The following LONP2 variants were observed in gnomAD, a reference collection of about 807,000 sequenced individuals.
LONP2 encodes the protein lon protease homolog 2, peroxisomal.
A neutral mutation model predicts 85.6 loss-of-function variants in LONP2; 60 were observed. That is an observed-to-expected ratio of 0.70 (90% confidence interval 0.57 to 0.87). LONP2 has a LOEUF of 0.87. LONP2 is among the 40% of genes least tolerant of loss of function. LONP2 has a pLI of 0.00. For missense variants in LONP2, 860 were observed against 1,063.5 expected (o/e 0.81, Z 2.66); for synonymous variants, 395 against 389.7 (o/e 1.01, Z -0.16).
chr16:48,292,304 G>A (rs944331429), intron 8 of LONP2, among the ~76,000 whole-genome samples: 6 of 152,142 alleles, frequency 3.9e-5, no homozygotes, highest in Admixed American at 1.3e-4. Context: ...AACTGTTACA[G>A]GTTAAAGATC....
intron 11 of LONP2, among the ~76,000 whole-genome samples, chr16:48,312,089 C>T (rs1407061810): frequency 6.6e-6 from 1 of 151,674 alleles, no homozygotes; most frequent in Non-Finnish European, 1.5e-5. Flanking sequence ...TACAAGCGTG[C>T]GTTACCATGC....
intron 12 of LONP2, among the ~76,000 whole-genome samples, chr16:48,338,358 C>CA (rs1466096788): frequency 2.0e-5 from 3 of 152,232 alleles, no homozygotes; most frequent in Middle Eastern, 3.4e-3. Flanking sequence ...ATAGAGAAAA[C>CA]AAACAGGGTG....
chr16:48,334,883 C>T, intron 12 of LONP2: 1 of 421,562 alleles, frequency 2.4e-6, no homozygotes, highest in Non-Finnish European at 4.8e-6. Flanking sequence ...GCCAGTCTCA[C>T]TCCATTCTCA....
intron 8 of LONP2, among the ~76,000 whole-genome samples, chr16:48,287,505 G>T (rs144628941): frequency 1.1e-3 from 160 of 152,344 alleles, no homozygotes; most frequent in Middle Eastern, 3.4e-3. Context: ...CTCACAGAGT[G>T]TTCTCTGAGT....
chr16:48,321,354 A>G (rs1973260052), intron 11 of LONP2, among the ~76,000 whole-genome samples: 1 of 152,248 alleles, frequency 6.6e-6, no homozygotes, highest in Admixed American at 6.5e-5. Context: ...CTAATACAGG[A>G]AATGAGATTT....
At chr16:48,278,532 A>T (rs1279755544) in intron 8 of LONP2, among the ~76,000 whole-genome samples, 1 of 152,180 alleles carries the variant, frequency 6.6e-6, no homozygotes, top group East Asian at 1.9e-4. Context: ...CTCATACTTG[A>T]TTAGTAATTT....
At chr16:48,315,910 A>G (rs544743808) in intron 11 of LONP2, among the ~76,000 whole-genome samples, 26 of 112,676 alleles carry the variant, frequency 2.3e-4, no homozygotes, top group Admixed American at 1.9e-3. Context: ...GCTTTCTTCT[A>G]TTTTTTTGTG....
chr16:48,345,482 GATTTTAT>G (rs1239510613), intron 12 of LONP2: 1 of 152,188 alleles, frequency 6.6e-6, no homozygotes, highest in Admixed American at 6.5e-5. Context: ...ATAGAGAATT[GATTTTAT>G]ATTAGAAAAA....
chr16:48,318,965 T>C (rs1973203934), intron 11 of LONP2, among the ~76,000 whole-genome samples: 1 of 152,082 alleles, frequency 6.6e-6, no homozygotes, highest in Non-Finnish European at 1.5e-5. Context: ...TCAAGTGCTT[T>C]TGATCCTTTC....
chr16:48,270,642 A>G (rs975799694), intron 7 of LONP2, among the ~76,000 whole-genome samples: 1 of 152,198 alleles, frequency 6.6e-6, no homozygotes. Context: ...AGTAACTGCA[A>G]TAGGGAGGGC....
intron 10 of LONP2, among the ~76,000 whole-genome samples, chr16:48,300,095 A>G (rs1053904827): frequency 2.6e-5 from 4 of 152,354 alleles, no homozygotes; most frequent in African/African-American, 9.6e-5. Context: ...CACAATAGCA[A>G]TATAAGGGGT....
intron 10 of LONP2, among the ~76,000 whole-genome samples, chr16:48,300,749 G>A (rs768675427): frequency 7.2e-5 from 11 of 152,150 alleles, no homozygotes; most frequent in African/African-American, 1.2e-4. Flanking sequence ...TGTAGATAAT[G>A]CCAGGAGAAA....
intron 14 of LONP2, among the ~76,000 whole-genome samples, chr16:48,350,945 C>T (rs527671247): frequency 1.3e-5 from 2 of 152,248 alleles, no homozygotes; most frequent in African/African-American, 4.8e-5. Flanking sequence ...GGCAGGTGAT[C>T]AAGAGAGATT....
At chr16:48,358,740 G>C (rs186072309), downstream of LONP2, among the ~76,000 whole-genome samples, 1 of 152,290 alleles carries the variant, frequency 6.6e-6, no homozygotes, top group Non-Finnish European at 1.5e-5. Flanking sequence ...AGGATCACTT[G>C]AGCCCAGGAG....
Position 48,257,171 on chromosome 16 carries a change from C to T in LONP2, c.600+430C>T, listed in dbSNP as rs548209643. ...TACTAAAAATACAAAATTAGCTGGG[C>T]GTGGTGGTGCGCGCCTATAATCCCA... On this transcript the variant is annotated intron_variant, in intron 3 of 14. Coordinates refer to ENST00000285737, the MANE Select transcript of LONP2 (RefSeq NM_031490.5). Among the ~76,000 whole-genome samples the T allele has an allele frequency of 2.2e-4, 34 of 152,118 alleles. No individual in the cohort carries two copies. In the South Asian group the frequency reaches 3.1e-3, roughly 14 times the overall value.
intron 11 of LONP2, among the ~76,000 whole-genome samples, chr16:48,318,075 G>A (rs1973182635): frequency 6.6e-6 from 1 of 151,126 alleles, no homozygotes; most frequent in Non-Finnish European, 1.5e-5. Context: ...ATTTGGAGAA[G>A]AATAGTTAAA....
Position 48,303,377 on chromosome 16 carries a change from A to G in LONP2, c.1795+72A>G, listed in dbSNP as rs2151002016. ...AGTGACAGAAGAAGGTTGGGTATGG[A>G]GGGGAAGGTGTTGGGTAGTCCTTGG... On this transcript the variant is annotated intron_variant, in intron 11 of 14. Transcript: ENST00000285737. The G allele has an allele frequency of 1.8e-5, 28 of 1,581,654 alleles. No homozygotes were observed. In the South Asian group the frequency reaches 2.9e-4, roughly 16 times the overall value.
intron 6 of LONP2, among the ~76,000 whole-genome samples, chr16:48,266,241 G>C (rs1971987270): frequency 6.6e-6 from 1 of 151,934 alleles, no homozygotes; most frequent in South Asian, 2.1e-4. Flanking sequence ...TTGACCTCAA[G>C]TGATCCACCT....
At chr16:48,321,944 C>CT (rs112813148) in intron 11 of LONP2, among the ~76,000 whole-genome samples, 1,600 of 141,422 alleles carry the variant, frequency 0.011, 22 homozygotes, top group African/African-American at 0.032. Flanking sequence ...TAATTTTTTT[C>CT]TTTTTTTTTT....
Sources: allele counts gnomAD v4.1 joint callset (sites outside exome capture counted in the v4.1 genomes callset), GRCh38; gene constraint gnomAD v4.1.1; transcripts MANE v1.5; gene names NCBI Gene and HGNC (gene_info 2026-07-23, HGNC 2026-07-21).